The following ADGRL2 variants were observed in gnomAD, a reference collection of about 807,000 sequenced individuals.
The protein encoded by ADGRL2 is adhesion G protein-coupled receptor L2, also known as calcium-independent alpha-latrotoxin receptor 2.
ADGRL2 carries 44 observed loss-of-function variants against 157.4 expected under a neutral mutation model. That is an observed-to-expected ratio of 0.28 (90% confidence interval 0.22 to 0.36). ADGRL2 has a LOEUF of 0.36. Ranked by LOEUF, ADGRL2 falls within the 10% of genes least tolerant of loss-of-function variation. The pLI is 1.00. For missense variants in ADGRL2, 1,510 were observed against 1,768.9 expected (o/e 0.85, Z 2.63); for synonymous variants, 585 against 624.7 (o/e 0.94, Z 0.95).
At chr1:81,789,701 C>CAAAAAA (rs34269882) in intron 2 of ADGRL2, among the ~76,000 whole-genome samples, 2 of 88,500 alleles carry the variant, frequency 2.3e-5, no homozygotes, top group African/African-American at 4.3e-5. Context: ...GTCTCCGTCT[C>CAAAAAA]AAAAAAAAAA....
At chr1:81,651,023 A>G (rs1465319075) in intron 3 of ADGRL2, among the ~76,000 whole-genome samples, 1 of 152,224 alleles carries the variant, frequency 6.6e-6, no homozygotes. Context: ...TAAATGAGAG[A>G]GATGTGCCAT....
intron 2 of ADGRL2, among the ~76,000 whole-genome samples, chr1:81,767,914 C>A (rs1571141950): frequency 6.7e-6 from 1 of 148,628 alleles, no homozygotes; most frequent in East Asian, 2.0e-4. Flanking sequence ...TGAAAAATTT[C>A]AAATTTATTA....
At chr1:81,375,512 A>T (rs2076234579) in intron 1 of ADGRL2, among the ~76,000 whole-genome samples, 1 of 152,214 alleles carries the variant, frequency 6.6e-6, no homozygotes, top group African/African-American at 2.4e-5. Flanking sequence ...ATATCAAGTG[A>T]ACACTTGTGT....
At chr1:81,721,154 G>C (rs975168507) in intron 1 of ADGRL2, among the ~76,000 whole-genome samples, 1 of 150,128 alleles carries the variant, frequency 6.7e-6, no homozygotes, top group Non-Finnish European at 1.5e-5. Flanking sequence ...TTACGGGTGT[G>C]AGCCACCGCA....
At chr1:81,324,926 A>T (rs1185021182) in intron 1 of ADGRL2, among the ~76,000 whole-genome samples, 2 of 152,024 alleles carry the variant, frequency 1.3e-5, no homozygotes, top group African/African-American at 4.8e-5. Context: ...AGTGTTGGCT[A>T]GGCTGGTCTC....
intron 2 of ADGRL2, among the ~76,000 whole-genome samples, chr1:81,521,958 G>A (rs2079326538): frequency 6.8e-6 from 1 of 146,616 alleles, no homozygotes; most frequent in African/African-American, 2.6e-5. Flanking sequence ...TATAATAAAT[G>A]TACTTTTTGT....
intron 3 of ADGRL2, among the ~76,000 whole-genome samples, chr1:81,651,375 G>C (rs778003133): frequency 6.6e-6 from 1 of 152,156 alleles, no homozygotes; most frequent in African/African-American, 2.4e-5. Context: ...GCAGAGTCTT[G>C]CTAACAAACC....
At chr1:81,651,505 C>A (rs1250399889) in intron 3 of ADGRL2, among the ~76,000 whole-genome samples, 12 of 152,020 alleles carry the variant, frequency 7.9e-5, no homozygotes, top group Non-Finnish European at 1.8e-4. Context: ...ACAAAACAAC[C>A]AAATTAAAAT....
At chr1:81,842,226 A>C (rs1210140035) in intron 2 of ADGRL2, among the ~76,000 whole-genome samples, 1 of 151,996 alleles carries the variant, frequency 6.6e-6, no homozygotes, top group African/African-American at 2.4e-5. Context: ...CATGATTCAG[A>C]AGTTAGTATC....
At chr1:81,705,048 TTTTATTTA>T (rs530981750) in intron 1 of ADGRL2, among the ~76,000 whole-genome samples, 1 of 152,088 alleles carries the variant, frequency 6.6e-6, no homozygotes, top group African/African-American at 2.4e-5. Context: ...TTTCTTTTAA[TTTTATTTA>T]TTTATTTATT....
intron 2 of ADGRL2, among the ~76,000 whole-genome samples, chr1:81,489,928 T>C (rs2078593460): frequency 6.6e-6 from 1 of 152,146 alleles, no homozygotes; most frequent in African/African-American, 2.4e-5. Context: ...AGAAAGTTCA[T>C]TATCCCTGGA....
intron 2 of ADGRL2, among the ~76,000 whole-genome samples, chr1:81,467,959 ATG>A (rs1184893706): frequency 6.6e-6 from 1 of 152,176 alleles, no homozygotes; most frequent in Non-Finnish European, 1.5e-5. Flanking sequence ...AAAAATTTAA[ATG>A]TTTTTTCTAA....
intron 3 of ADGRL2, among the ~76,000 whole-genome samples, chr1:81,677,694 G>T (rs542756966): frequency 1.4e-4 from 22 of 151,972 alleles, no homozygotes; most frequent in Non-Finnish European, 3.1e-4. Flanking sequence ...CTCAGGCCTC[G>T]ACTAAAATAA....
intron 11 of ADGRL2, among the ~76,000 whole-genome samples, chr1:81,958,622 A>T (rs1045128710): frequency 6.6e-6 from 1 of 152,222 alleles, no homozygotes; most frequent in Non-Finnish European, 1.5e-5. Context: ...TCTAATTGTG[A>T]CATTTAAAAA....
intron 2 of ADGRL2, among the ~76,000 whole-genome samples, chr1:81,782,381 T>G (rs887594438): frequency 1.3e-5 from 2 of 152,194 alleles, no homozygotes; most frequent in African/African-American, 4.8e-5. Flanking sequence ...TATAATATAT[T>G]AATGAGGGGG....
intron 3 of ADGRL2, among the ~76,000 whole-genome samples, chr1:81,909,243 T>G (rs991778879): frequency 1.8e-4 from 28 of 152,090 alleles, no homozygotes; most frequent in African/African-American, 6.8e-4. Flanking sequence ...TTTTTTAGTA[T>G]TTAGTTTTAA....
intron 3 of ADGRL2, among the ~76,000 whole-genome samples, chr1:81,917,336 T>G (rs1433217918): frequency 6.6e-6 from 1 of 152,186 alleles, no homozygotes; most frequent in Non-Finnish European, 1.5e-5. Flanking sequence ...GGCATTTTAC[T>G]AATACATATT....
intron 1 of ADGRL2, among the ~76,000 whole-genome samples, chr1:81,308,103 G>A (rs1157512919): frequency 1.3e-5 from 2 of 152,026 alleles, no homozygotes; most frequent in Non-Finnish European, 2.9e-5. Flanking sequence ...TTATAGCAGT[G>A]GGTAATAAAA....
At chr1:81,803,826 C>G (rs12726673) in intron 1 of ADGRL2, among the ~76,000 whole-genome samples, 1,566 of 152,244 alleles carry the variant, frequency 0.01, 10 homozygotes, top group Admixed American at 0.018. Flanking sequence ...TTTCCAGAGG[C>G]ATAGATTTAA....
Sources: gnomAD v4.1 joint callset for allele counts (sites outside exome capture counted in the v4.1 genomes callset) on GRCh38, gnomAD v4.1.1 for gene constraint, MANE v1.5 for transcripts, NCBI Gene and HGNC (gene_info 2026-07-23, HGNC 2026-07-21) for gene names.